Variants in KCNQ1 observed in about 807,000 individuals in gnomAD.
KCNQ1 encodes the protein potassium voltage-gated channel subfamily KQT member 1.
In KCNQ1, 49 loss-of-function variants were observed where a neutral mutation model predicts 72.4. The ratio of observed to expected loss-of-function variants is 0.68; its 90% confidence interval spans 0.54 to 0.86. The LOEUF (loss-of-function observed/expected upper bound fraction) is 0.86, where lower values mean the gene tolerates loss of function less well. Among genes scored for constraint, KCNQ1 ranks in the 40% least tolerant of loss-of-function variants. The pLI, the probability that KCNQ1 is intolerant of heterozygous loss-of-function variation, is 0.00. For synonymous variants in KCNQ1, 450 were observed against 412.6 expected (o/e 1.09, Z -1.10); for missense variants, 790 against 945.1 (o/e 0.84, Z 2.15).
Position 2,848,437 on chromosome 11 carries a change from C to T in KCNQ1, c.*434C>T, listed in dbSNP as rs1384568470. ...CCCCAGCCTCAAATCCAGGACCCTG[C>T]CAGGCACAGGCAGGGCAGGACCAGC... On this transcript the variant is annotated 3_prime_UTR_variant, in exon 16 of 16. Coordinates refer to ENST00000155840, the MANE Select transcript of KCNQ1 (RefSeq NM_000218.3). 1 of 466,118 alleles carries T rather than the reference C, an allele frequency of 2.1e-6. No homozygotes were observed. Among genetic ancestry groups the T allele is most frequent in the Admixed American group, 2.3e-5 (1 of 42,696 alleles). The allele number at this position is 466,118 out of a possible 1,614,324, so 28.9% of individuals were successfully genotyped here. A position where few individuals can be genotyped will look rare whatever the true frequency, so the allele number is the denominator to read the frequency against.
At position 2,710,107 on chromosome 11, in the gene KCNQ1, A is replaced by G. The variant is rs1850979538; in HGVS notation, c.1514+48026A>G. Among the ~76,000 whole-genome samples the G allele has an allele frequency of 6.6e-6, 1 of 152,172 alleles. No homozygotes were observed. The highest frequency in any genetic ancestry group is 2.4e-5 in the African/African-American group (1 of 41,430). ...AGCACCATTTTGCATTCCCACCAGT[A>G]GTGTATGTGAGTTCCTATCTCTCCA... is the stretch of plus-strand genomic sequence containing the variant. On this transcript the variant is annotated intron_variant, in intron 11 of 15. Transcript: ENST00000155840. This position sits in a 1 kb window ranked among gnomAD's most constrained non-coding sequence, Gnocchi z 4.1.
chr11:2,456,618 C>T (rs2133574657), intron 1 of KCNQ1, among the ~76,000 whole-genome samples: 1 of 151,704 alleles, frequency 6.6e-6, no homozygotes, highest in East Asian at 1.9e-4. Context: ...AAAAAACAAC[C>T]CCATTAAAAA....
At chr11:2,557,440 A>G (rs1314256825) in intron 2 of KCNQ1, among the ~76,000 whole-genome samples, 1 of 152,212 alleles carries the variant, frequency 6.6e-6, no homozygotes, top group Non-Finnish European at 1.5e-5. Context: ...ATCATGAGCA[A>G]TTTCAGATTC....
At position 2,463,675 on chromosome 11, in the gene KCNQ1, CAG is replaced by C. The variant is rs1371546932; in HGVS notation, c.386+18192_386+18193del. On this transcript the variant is annotated intron_variant, in intron 1 of 15. Coordinates refer to ENST00000155840, the MANE Select transcript of KCNQ1 (RefSeq NM_000218.3). This position sits in a 1 kb window ranked among gnomAD's most constrained non-coding sequence, Gnocchi z 7.0. ...TGGGCACTGCGCTGAGCTCAACACA[CAG>C]GGGCTCGGGGAGGTCTGTGGGTGCC... 3.9e-5 allele frequency among the ~76,000 whole-genome samples: 6 copies of C among 152,214 alleles called. No homozygotes were observed. The highest frequency in any genetic ancestry group is 7.4e-5 in the Non-Finnish European group (5 of 68,026).
chr11:2,663,799 C>T lies in KCNQ1; in HGVS notation c.1514+1718C>T. 1 of 398,712 alleles carries T rather than the reference C, an allele frequency of 2.5e-6. No individual in the cohort carries two copies. The highest frequency in any genetic ancestry group is 4.4e-6 in the Non-Finnish European group (1 of 226,126). 24.7% of individuals were successfully genotyped at this position (398,712 alleles called of 1,614,324 possible). On this transcript the variant is annotated intron_variant, in intron 11 of 15. Coordinates refer to ENST00000155840, the MANE Select transcript of KCNQ1 (RefSeq NM_000218.3). This position sits in a 1 kb window ranked among gnomAD's most constrained non-coding sequence, Gnocchi z 5.2. The stretch of plus-strand genomic sequence containing the variant: ...CTTGCAGCTGCCCAGTAAATCACCA[C>T]TATGGGGGTGAGGGCTGCCAGTGCT...
intron 10 of KCNQ1, among the ~76,000 whole-genome samples, chr11:2,597,912 T>A (rs1848754124): frequency 6.6e-6 from 1 of 152,208 alleles, no homozygotes; most frequent in Non-Finnish European, 1.5e-5. Context: ...GTCTTCTCTA[T>A]CATCTCTTCG....
chr11:2,814,623 CAAGGAAGGAAGGAAGGAAGGAAGG>C lies in KCNQ1; in HGVS notation c.1795-33131_1795-33108del, dbSNP rs3079081. Reference sequence around the variant, plus strand: ...GGATGGGTAGATGGATGGAAGGAGACAAGGAAGGAAGGAAGGAAGGAAGGAAGGAAGGAAGGGTGGAGGTAAGGG... The same window carrying C: ...GGATGGGTAGATGGATGGAAGGAGACAAGGAAGGAAGGGTGGAGGTAAGGG... On this transcript the variant is annotated intron_variant, in intron 15 of 15. Coordinates refer to ENST00000155840, the MANE Select transcript of KCNQ1 (RefSeq NM_000218.3). Among the ~76,000 whole-genome samples, 162 of 142,544 alleles carry C rather than the reference CAAGGAAGGAAGGAAGGAAGGAAGG, an allele frequency of 1.1e-3. 1 individual carries two copies. Among genetic ancestry groups the C allele is most frequent in the Non-Finnish European group, 2.6e-4 (17 of 65,544 alleles). 93.5% of individuals were successfully genotyped at this position (142,544 alleles called of 152,430 possible).
intron 12 of KCNQ1, among the ~76,000 whole-genome samples, chr11:2,773,785 TTCCATCTTACAGAAGGGAGCTTAGCATC>T (rs1428865227): frequency 1.3e-5 from 2 of 152,048 alleles, no homozygotes; most frequent in South Asian, 2.1e-4. Context: ...AGGCTCAGCA[TTCCATCTTACAGAAGGGAGCTTAGCATC>T]TCCATCTTAC....
chr11:2,743,696 C>T (rs931765831), intron 11 of KCNQ1, among the ~76,000 whole-genome samples: 5 of 152,370 alleles, frequency 3.3e-5, no homozygotes, highest in South Asian at 4.1e-4. Flanking sequence ...CACGACCTCC[C>T]AGCTTTAACC....
At chr11:2,714,589 G>A (rs112959491) in intron 11 of KCNQ1, among the ~76,000 whole-genome samples, 1 of 152,214 alleles carries the variant, frequency 6.6e-6, no homozygotes, top group East Asian at 1.9e-4. Context: ...CATATGGGGT[G>A]TGGGGGGCGA....
chr11:2,673,893 T>A lies in KCNQ1; in HGVS notation c.1514+11812T>A, dbSNP rs1021557202. ...TCCTGAAAGCAGGCACAGGAAGGGA[T>A]GGGAGCTCAGCTCACCGGGTGCTAG... is the stretch of plus-strand genomic sequence containing the variant. On this transcript the variant is annotated intron_variant, in intron 11 of 15. Coordinates refer to ENST00000155840, the MANE Select transcript of KCNQ1 (RefSeq NM_000218.3). The surrounding 1 kb of genome is among the most constrained non-coding windows in gnomAD (Gnocchi z 4.5). 3.8e-5 allele frequency: 15 copies of A among 394,810 alleles called. No homozygotes were observed. Among genetic ancestry groups the A allele is most frequent in the Admixed American group, 1.4e-4 (3 of 22,098 alleles). 24.5% of individuals were successfully genotyped at this position (394,810 alleles called of 1,614,324 possible).
rs953177286 is a variant in KCNQ1, at chr11:2,533,665, T to C, written c.477+5647T>C. Among the ~76,000 whole-genome samples, 7 of 152,234 alleles carry C rather than the reference T, an allele frequency of 4.6e-5. No individual in the cohort carries two copies. The East Asian group carries it at 1.2e-3, about 25-fold the overall frequency. ...TGACGTGTGTGTGCTTTGCGTGTTC[T>C]TGCCTGGGAAGGAGTTCCCGGTTTG... On this transcript the variant is annotated intron_variant, in intron 2 of 15. Coordinates refer to ENST00000155840, the MANE Select transcript of KCNQ1 (RefSeq NM_000218.3).
In KCNQ1 at chr11:2,624,747, C is replaced by G. The variant is rs1040876041; in HGVS notation, c.1393+35893C>G. On this transcript the variant is annotated intron_variant, in intron 10 of 15. Transcript: ENST00000155840. This position sits in a 1 kb window ranked among gnomAD's most constrained non-coding sequence, Gnocchi z 4.9. ...ATTAAACAATAATTCCCCAACCCCC[C>G]CACCACCGCCATCTCTTGGAAACCA... 2.0e-5 allele frequency: 8 copies of G among 398,508 alleles called. No homozygotes were observed. In the Admixed American group the frequency reaches 2.6e-4, roughly 13 times the overall value. The allele number at this position is 398,508 out of a possible 1,614,324, so 24.7% of individuals were successfully genotyped here. A position where few individuals can be genotyped will look rare whatever the true frequency, so the allele number is the denominator to read the frequency against.
rs951008088 is a variant in KCNQ1, at chr11:2,803,183, G to A, written c.1794+25146G>A. On this transcript the variant is annotated intron_variant, in intron 15 of 15. Coordinates refer to ENST00000155840, the MANE Select transcript of KCNQ1 (RefSeq NM_000218.3). The surrounding 1 kb of genome is among the most constrained non-coding windows in gnomAD (Gnocchi z 6.4). ...CCCCCCCCACGGGCACCCAGGAACC[G>A]CCCTGGCTTTGCTGGAGGACCTGCC... is the stretch of plus-strand genomic sequence containing the variant. Among the ~76,000 whole-genome samples the A allele has an allele frequency of 1.1e-4, 17 of 151,824 alleles. No individual in the cohort carries two copies. The highest frequency in any genetic ancestry group is 1.9e-4 in the African/African-American group (8 of 41,174).
chr11:2,838,999 G>A (rs1052619497), intron 15 of KCNQ1, among the ~76,000 whole-genome samples: 5 of 141,428 alleles, frequency 3.5e-5, no homozygotes, highest in Admixed American at 6.9e-5. Flanking sequence ...AGCCCTGCCC[G>A]GGGTTGCACT....
chr11:2,671,918 C>T lies in KCNQ1; in HGVS notation c.1514+9837C>T. 2.5e-6 allele frequency: 1 copy of T among 398,712 alleles called. No individual in the cohort carries two copies. 24.7% of individuals were successfully genotyped at this position (398,712 alleles called of 1,614,324 possible). A position where few individuals can be genotyped will look rare whatever the true frequency, so the allele number is the denominator to read the frequency against. On this transcript the variant is annotated intron_variant, in intron 11 of 15. Coordinates refer to ENST00000155840, the MANE Select transcript of KCNQ1 (RefSeq NM_000218.3). This position sits in a 1 kb window ranked among gnomAD's most constrained non-coding sequence, Gnocchi z 4.7. ...CAGCCAGCCTGTGGGCCCCGCTATG[C>T]TTCCTCAGGCAGCTAGTCTCTGTAT...
In KCNQ1 at chr11:2,827,226, C is replaced by G. The variant is rs2134063196; in HGVS notation, c.1795-20541C>G. 6.6e-6 allele frequency among the ~76,000 whole-genome samples: 1 copy of G among 152,280 alleles called. No homozygotes were observed. The highest frequency in any genetic ancestry group is 2.1e-4 in the South Asian group (1 of 4,822). ...TTCAGCTGCTGCTGAGACAGTGACC[C>G]TGGGGACAGCCCAAATAAGAGAGAA... On this transcript the variant is annotated intron_variant, in intron 15 of 15. Transcript: ENST00000155840. This position sits in a 1 kb window ranked among gnomAD's most constrained non-coding sequence, Gnocchi z 6.7.
At position 2,676,943 on chromosome 11, in the gene KCNQ1, A is replaced by T. The variant is rs1007213976; in HGVS notation, c.1514+14862A>T. 1.4e-4 allele frequency: 57 copies of T among 398,458 alleles called. No individual in the cohort carries two copies. In the East Asian group the frequency reaches 2.0e-3, roughly 14 times the overall value. The allele number at this position is 398,458 out of a possible 1,614,324, so 24.7% of individuals were successfully genotyped here. On this transcript the variant is annotated intron_variant, in intron 11 of 15. Transcript: ENST00000155840. The surrounding 1 kb of genome is among the most constrained non-coding windows in gnomAD (Gnocchi z 4.2). ...AGACACTGGTATGTTCTGGAGATGG[A>T]TCTGTATTAAGACATCTAGCAAATC...
chr11:2,510,104 T>TA (rs59214756), intron 1 of KCNQ1, among the ~76,000 whole-genome samples: 6,664 of 146,016 alleles, frequency 0.046, 347 homozygotes, highest in African/African-American at 0.13. Flanking sequence ...ACCCCATCTC[T>TA]AAAAAAAAAA....
Sources: gnomAD v4.1 joint callset for allele counts (sites outside exome capture counted in the v4.1 genomes callset) on GRCh38, gnomAD v4.1.1 for gene constraint, Gnocchi (gnomAD v3.1) non-coding constraint, MANE v1.5 for transcripts, NCBI Gene and HGNC (gene_info 2026-07-23, HGNC 2026-07-21) for gene names.